The following DAB1 variants were observed in gnomAD, a reference collection of about 807,000 sequenced individuals.
DAB1 encodes disabled homolog 1.
Under a neutral mutation model 64.6 loss-of-function variants are expected in DAB1, and 15 were observed. The observed-to-expected ratio is 0.23, with a 90% CI of 0.16 to 0.36. DAB1 has a LOEUF of 0.36. Ranked by LOEUF, DAB1 falls within the 10% of genes least tolerant of loss-of-function variation. The probability of loss-of-function intolerance (pLI) is 1.00; values close to 1 mark genes in which losing one functional copy is unlikely to be tolerated. For synonymous variants in DAB1, 235 were observed against 251.9 expected, an observed-to-expected ratio of 0.93 and a Z score of 0.64; for missense variants, 596 against 706.7, an observed-to-expected ratio of 0.84 and a Z score of 1.78.
chr1:57,412,767 C>T (rs1453736239), intron 1 of DAB1, among the ~76,000 whole-genome samples: 1 of 152,178 alleles, frequency 6.6e-6, no homozygotes, highest in African/African-American at 2.4e-5. Context: ...AGGAAAGAAG[C>T]CACCTCCATC....
chr1:57,139,513 A>C (rs1658404896), intron 3 of DAB1, among the ~76,000 whole-genome samples: 1 of 152,136 alleles, frequency 6.6e-6, no homozygotes, highest in Admixed American at 6.6e-5. Flanking sequence ...TGACCTCCTA[A>C]AGGAAAGTAC....
chr1:57,336,277 C>T (rs147046164), intron 1 of DAB1, among the ~76,000 whole-genome samples: 57 of 152,108 alleles, frequency 3.7e-4, no homozygotes, highest in African/African-American at 1.3e-3. Flanking sequence ...TTGGTAAACA[C>T]GACTAATCCA....
intron 6 of DAB1, among the ~76,000 whole-genome samples, chr1:57,801,205 CAAG>C (rs1205813158): frequency 6.6e-6 from 1 of 152,214 alleles, no homozygotes; most frequent in Non-Finnish European, 1.5e-5. Flanking sequence ...AAGGAGTGAG[CAAG>C]AAGACTGGCA....
chr1:57,731,242 C>G (rs1446006834), intron 6 of DAB1, among the ~76,000 whole-genome samples: 1 of 152,148 alleles, frequency 6.6e-6, no homozygotes, highest in East Asian at 1.9e-4. Context: ...TTGCATGATT[C>G]CACTTACATG....
chr1:57,123,464 A>G (rs887145624), intron 4 of DAB1, among the ~76,000 whole-genome samples: 5 of 152,170 alleles, frequency 3.3e-5, no homozygotes, highest in African/African-American at 9.7e-5. Flanking sequence ...TTTAAATGAC[A>G]ATACTCCATG....
At chr1:57,080,623 A>G (rs1652409531) in intron 4 of DAB1, among the ~76,000 whole-genome samples, 1 of 152,110 alleles carries the variant, frequency 6.6e-6, no homozygotes, top group African/African-American at 2.4e-5. Context: ...GGTATTCCAG[A>G]CCTGTGAGTT....
At chr1:57,327,333 C>T (rs1202077049) in intron 1 of DAB1, among the ~76,000 whole-genome samples, 1 of 152,108 alleles carries the variant, frequency 6.6e-6, no homozygotes, top group Non-Finnish European at 1.5e-5. Flanking sequence ...GGAAGATGGG[C>T]TGTCAGAGAA....
intron 5 of DAB1, among the ~76,000 whole-genome samples, chr1:58,077,505 G>A (rs1178755495): frequency 2.6e-5 from 4 of 152,204 alleles, no homozygotes; most frequent in Admixed American, 2.6e-4. Flanking sequence ...GATAGGAAGA[G>A]AGAAATAACA....
intron 7 of DAB1, among the ~76,000 whole-genome samples, chr1:57,549,806 AAGAG>A (rs975508266): frequency 6.6e-6 from 1 of 152,190 alleles, no homozygotes; most frequent in Admixed American, 6.5e-5. Context: ...AGAAAGAACA[AAGAG>A]AGAATTTATG....
chr1:58,464,087 C>A (rs1035673683), intron 3 of DAB1, among the ~76,000 whole-genome samples: 1 of 152,176 alleles, frequency 6.6e-6, no homozygotes, highest in Non-Finnish European at 1.5e-5. Context: ...GAGCAGGGAA[C>A]GGCACACTGC....
At chr1:58,321,632 C>A (rs1247481783) in intron 4 of DAB1, among the ~76,000 whole-genome samples, 1 of 152,278 alleles carries the variant, frequency 6.6e-6, no homozygotes, top group East Asian at 1.9e-4. Context: ...CTTGGTGGGT[C>A]CCACGCCCAG....
chr1:57,177,177 T>C (rs1662422808), intron 2 of DAB1, among the ~76,000 whole-genome samples: 1 of 152,096 alleles, frequency 6.6e-6, no homozygotes, highest in Admixed American at 6.6e-5. Flanking sequence ...CCCTATATAT[T>C]TAACTTTCTG....
At chr1:57,710,595 T>A (rs1156467049) in intron 6 of DAB1, among the ~76,000 whole-genome samples, 2 of 152,142 alleles carry the variant, frequency 1.3e-5, no homozygotes, top group Non-Finnish European at 2.9e-5. Flanking sequence ...CGACTGGAAA[T>A]TTTTCTCTCC....
chr1:57,934,042 T>A (rs1284238967), intron 5 of DAB1, among the ~76,000 whole-genome samples: 1 of 147,552 alleles, frequency 6.8e-6, no homozygotes, highest in East Asian at 2.0e-4. Flanking sequence ...ATTATAGGCG[T>A]CCGCCACCAA....
At chr1:58,036,004 G>A (rs1012685925) in intron 5 of DAB1, among the ~76,000 whole-genome samples, 22 of 152,132 alleles carry the variant, frequency 1.4e-4, no homozygotes. Flanking sequence ...GATTTAATTG[G>A]TTGTCTCCAA....
intron 7 of DAB1, among the ~76,000 whole-genome samples, chr1:57,623,837 A>G (rs543915320): frequency 1.1e-4 from 17 of 152,272 alleles, no homozygotes; most frequent in Non-Finnish European, 1.6e-4. Context: ...AGTCAAATCC[A>G]TCTCTGCTCT....
At chr1:58,539,152 T>C (rs1646563859) in intron 1 of DAB1, 2 of 872,860 alleles carry the variant, frequency 2.3e-6, no homozygotes, top group South Asian at 1.3e-5. Context: ...CTGATACTTA[T>C]TTACTATATG....
chr1:58,024,804 T>G (rs1646865731), intron 5 of DAB1, among the ~76,000 whole-genome samples: 1 of 152,192 alleles, frequency 6.6e-6, no homozygotes, highest in Non-Finnish European at 1.5e-5. Flanking sequence ...GTTGAAGACC[T>G]GAACAGAACA....
chr1:58,209,679 G>C (rs1430803373), intron 4 of DAB1, among the ~76,000 whole-genome samples: 1 of 152,136 alleles, frequency 6.6e-6, no homozygotes, highest in East Asian at 1.9e-4. Flanking sequence ...GAAAATGTCT[G>C]ATCTAATTTT....
Sources: allele counts gnomAD v4.1 joint callset (sites outside exome capture counted in the v4.1 genomes callset), GRCh38; gene constraint gnomAD v4.1.1; transcripts MANE v1.5; gene names NCBI Gene and HGNC (gene_info 2026-07-23, HGNC 2026-07-21).